The following GALNT13 variants were observed in gnomAD, a reference collection of about 807,000 sequenced individuals.
GALNT13 encodes the protein UDP-GalNAc:polypeptide N-acetylgalactosaminyltransferase 13.
GALNT13 carries 28 observed loss-of-function variants against 64.2 expected under a neutral mutation model. The ratio of observed to expected loss-of-function variants is 0.44; its 90% confidence interval spans 0.32 to 0.60. The LOEUF (loss-of-function observed/expected upper bound fraction) is 0.60. Ranked by LOEUF, GALNT13 falls within the 20% of genes least tolerant of loss-of-function variation. The pLI is 0.05. For missense variants in GALNT13, 577 were observed against 669.8 expected, an observed-to-expected ratio of 0.86 and a Z score of 1.53; for synonymous variants, 214 against 224.6, an observed-to-expected ratio of 0.95 and a Z score of 0.42.
chr2:154,166,194 C>T (rs1436204088), intron 4 of GALNT13, among the ~76,000 whole-genome samples: 2 of 152,210 alleles, frequency 1.3e-5, no homozygotes, highest in South Asian at 2.1e-4. Context: ...CACCTGAGTT[C>T]GGGAGTTTGA....
At chr2:153,720,617 G>T in the GALNT13 span, among the ~76,000 whole-genome samples, 7 of 151,616 alleles carry the variant, frequency 4.6e-5, no homozygotes, top group African/African-American at 1.7e-4. Context: ...AGTGCTTAAA[G>T]GAGCTGATCG....
At chr2:153,818,235 CAAAG>C in the GALNT13 span, among the ~76,000 whole-genome samples, 1 of 152,162 alleles carries the variant, frequency 6.6e-6, no homozygotes, top group Non-Finnish European at 1.5e-5. Flanking sequence ...TCCGGATTGA[CAAAG>C]AAAGCCACCT....
intron 3 of GALNT13, among the ~76,000 whole-genome samples, chr2:154,110,314 TATATATATATATATATATATATAGAGAG>T (rs1558963003): frequency 1.6e-4 from 7 of 44,986 alleles, no homozygotes; most frequent in Non-Finnish European, 2.7e-4. Flanking sequence ...TATATATATA[TATATATATATATATATATATATAGAGAG>T]AGAGAGAGAG....
intron 3 of GALNT13, among the ~76,000 whole-genome samples, chr2:154,105,770 A>G (rs62171165): frequency 3.3e-5 from 5 of 152,346 alleles, no homozygotes; most frequent in Non-Finnish European, 7.3e-5. Context: ...ATATTGTCCA[A>G]TACAGTAGCC....
the GALNT13 span, among the ~76,000 whole-genome samples, chr2:153,310,430 CAT>C: frequency 3.3e-5 from 5 of 152,052 alleles, no homozygotes; most frequent in African/African-American, 9.7e-5. Flanking sequence ...GACTTTTCCC[CAT>C]ATTTTGCCAC....
Position 154,242,340 on chromosome 2 carries a change from C to A in GALNT13, c.478+144C>A, listed in dbSNP as rs1689538161. 5 of 684,868 alleles carry A rather than the reference C, an allele frequency of 7.3e-6. No individual in the cohort carries two copies. The South Asian group carries it at 1.0e-4, about 14-fold the overall frequency. 42.4% of individuals were successfully genotyped at this position (684,868 alleles called of 1,614,324 possible). A position where few individuals can be genotyped will look rare whatever the true frequency, so the allele number is the denominator to read the frequency against. On this transcript the variant is annotated intron_variant, in intron 5 of 12. Transcript: ENST00000392825. ...TATAATTTTACTAGCCCTGCCACAG[C>A]CTATCAGATTCTCATCAAGAACCTC... is the stretch of plus-strand genomic sequence containing the variant.
the GALNT13 span, among the ~76,000 whole-genome samples, chr2:153,269,386 C>G: frequency 6.6e-6 from 1 of 152,164 alleles, no homozygotes; most frequent in African/African-American, 2.4e-5. Flanking sequence ...TAAAGCATAG[C>G]ATGAGTGACC....
chr2:153,933,392 T>A (rs990495936), intron 2 of GALNT13, among the ~76,000 whole-genome samples: 1 of 152,208 alleles, frequency 6.6e-6, no homozygotes, highest in South Asian at 2.1e-4. Context: ...AACTCAATAT[T>A]TTTTTGGCTT....
the GALNT13 span, chr2:153,761,878 T>C: frequency 6.3e-6 from 1 of 159,832 alleles, no homozygotes; most frequent in Non-Finnish European, 1.4e-5. Flanking sequence ...AAACTAGTCT[T>C]CTTGTCAAGT....
intron 3 of GALNT13, among the ~76,000 whole-genome samples, chr2:153,996,674 T>A (rs1420024636): frequency 1.3e-5 from 2 of 152,114 alleles, no homozygotes; most frequent in African/African-American, 2.4e-5. Context: ...TTCTTAGTTT[T>A]ACATAATTTC....
chr2:153,647,064 G>A, the GALNT13 span, among the ~76,000 whole-genome samples: 1 of 152,134 alleles, frequency 6.6e-6, no homozygotes, highest in Non-Finnish European at 1.5e-5. Context: ...GGTTGAACTA[G>A]TTTACAGTCC....
the GALNT13 span, among the ~76,000 whole-genome samples, chr2:153,682,375 CCAT>C: frequency 6.6e-6 from 1 of 151,592 alleles, no homozygotes; most frequent in Non-Finnish European, 1.5e-5. Flanking sequence ...GTAACTTTGG[CCAT>C]CAAGTTTACA....
chr2:153,813,033 C>G, the GALNT13 span, among the ~76,000 whole-genome samples: 2 of 152,080 alleles, frequency 1.3e-5, no homozygotes, highest in African/African-American at 4.8e-5. Context: ...TTCTTTTTAT[C>G]TATACGCTTC....
intron 9 of GALNT13, among the ~76,000 whole-genome samples, chr2:154,395,198 TCA>T (rs1698999731): frequency 6.6e-6 from 1 of 152,182 alleles, no homozygotes; most frequent in African/African-American, 2.4e-5. Context: ...CTTATTTCAA[TCA>T]AATGCCAATA....
chr2:153,719,015 T>C, the GALNT13 span, among the ~76,000 whole-genome samples: 1 of 152,108 alleles, frequency 6.6e-6, no homozygotes, highest in East Asian at 1.9e-4. Context: ...ATTAACTGTA[T>C]TAGGTTAACT....
chr2:153,801,790 A>C, the GALNT13 span, among the ~76,000 whole-genome samples: 1 of 152,174 alleles, frequency 6.6e-6, no homozygotes, highest in East Asian at 1.9e-4. Flanking sequence ...GAAACACACA[A>C]TATCTGAAAA....
rs916477974 is a variant in GALNT13 at position 153,998,853 on chromosome 2, A to G, written c.142+54214A>G. Among the ~76,000 whole-genome samples, 7 of 152,140 alleles carry G rather than the reference A, an allele frequency of 4.6e-5. No homozygotes were observed. The East Asian group carries it at 7.7e-4, about 17-fold the overall frequency. ...GAAGGGTCCAGTTTCAGTTTTCTGCATATGGTTAGCCAGTTTTCCCAACAC... is the reference window on the plus strand; with the variant it reads ...GAAGGGTCCAGTTTCAGTTTTCTGCGTATGGTTAGCCAGTTTTCCCAACAC... On this transcript the variant is annotated intron_variant, in intron 3 of 12. Transcript: ENST00000392825.
At chr2:154,242,260 T>A (rs548627847) in intron 5 of GALNT13, 64 bp downstream of exon 5, 1 of 1,418,524 alleles carries the variant, frequency 7.0e-7, no homozygotes, top group South Asian at 1.3e-5. Flanking sequence ...TTTTTTTGTA[T>A]TAGAAAGCTT....
intron 1 of GALNT13, among the ~76,000 whole-genome samples, chr2:153,899,094 T>C (rs1688065769): frequency 6.6e-6 from 1 of 152,210 alleles, no homozygotes; most frequent in Non-Finnish European, 1.5e-5. Flanking sequence ...TTGAATATTA[T>C]GTAATATTTT....
Sources: gnomAD v4.1 joint callset for allele counts (sites outside exome capture counted in the v4.1 genomes callset) on GRCh38, gnomAD v4.1.1 for gene constraint, MANE v1.5 for transcripts, NCBI Gene and HGNC (gene_info 2026-07-23, HGNC 2026-07-21) for gene names.